The following SORCS1 variants were observed in gnomAD, a reference collection of about 807,000 sequenced individuals.
SORCS1 encodes sortilin related VPS10 domain containing receptor 1.
Under a neutral mutation model 146.1 loss-of-function variants are expected in SORCS1, and 60 were observed. That is an observed-to-expected ratio of 0.41 (90% CI 0.33 to 0.51). SORCS1 has a LOEUF of 0.51. Among genes scored for constraint, SORCS1 ranks in the 20% least tolerant of loss-of-function variants. The pLI, the probability that SORCS1 is intolerant of heterozygous loss-of-function variation, is 0.21. For synonymous variants in SORCS1, 637 were observed against 584.0 expected (o/e 1.09, Z -1.31); for missense variants, 1,352 against 1,487.6 (o/e 0.91, Z 1.50).
chr10:106,874,467 C>T (rs1418859182), intron 2 of SORCS1, among the ~76,000 whole-genome samples: 2 of 152,148 alleles, frequency 1.3e-5, no homozygotes, highest in African/African-American at 2.4e-5. Flanking sequence ...GGATACAATA[C>T]TCAATAAAAC....
intron 2 of SORCS1, among the ~76,000 whole-genome samples, chr10:106,920,941 A>AG (rs1952681283): frequency 6.6e-6 from 1 of 152,104 alleles, no homozygotes; most frequent in South Asian, 2.1e-4. Flanking sequence ...CTGTTGAACG[A>AG]GACCTGAGAG....
chr10:106,627,227 G>A (rs1041861139), intron 19 of SORCS1, among the ~76,000 whole-genome samples: 2 of 152,138 alleles, frequency 1.3e-5, no homozygotes, highest in African/African-American at 2.4e-5. Context: ...TGACAAGGAG[G>A]TGAAGCTATG....
intron 1 of SORCS1, among the ~76,000 whole-genome samples, chr10:107,028,581 T>C (rs1958508250): frequency 6.6e-6 from 1 of 152,230 alleles, no homozygotes; most frequent in South Asian, 2.1e-4. Context: ...TTTTAATCAA[T>C]CGGTTCTCTT....
chr10:106,675,986 G>A (rs1017755683), intron 13 of SORCS1, among the ~76,000 whole-genome samples: 14 of 152,118 alleles, frequency 9.2e-5, no homozygotes, highest in Non-Finnish European at 2.1e-4. Flanking sequence ...AGAACTACAA[G>A]AAATTAATTT....
intron 6 of SORCS1, among the ~76,000 whole-genome samples, chr10:106,725,773 A>C (rs1013888684): frequency 1.3e-5 from 2 of 151,022 alleles, no homozygotes; most frequent in Non-Finnish European, 3.0e-5. Context: ...TCTACCAAAA[A>C]TACAAAAATT....
intron 19 of SORCS1, among the ~76,000 whole-genome samples, chr10:106,621,913 A>G (rs2133506132): frequency 6.6e-6 from 1 of 152,242 alleles, no homozygotes; most frequent in Middle Eastern, 3.4e-3. Flanking sequence ...ACCCGAATCC[A>G]TCCTCCAAAT....
intron 4 of SORCS1, among the ~76,000 whole-genome samples, chr10:106,768,614 C>T (rs1859755331): frequency 6.6e-6 from 1 of 152,224 alleles, no homozygotes; most frequent in Non-Finnish European, 1.5e-5. Flanking sequence ...ACATATCTGT[C>T]GGTCCTGTTC....
chr10:107,159,620 G>C (rs550385458), intron 1 of SORCS1, among the ~76,000 whole-genome samples: 201 of 152,154 alleles, frequency 1.3e-3, no homozygotes, highest in African/African-American at 4.6e-3. Flanking sequence ...GGGAGACTCA[G>C]GCTCAAAGAA....
intron 3 of SORCS1, among the ~76,000 whole-genome samples, chr10:106,801,619 T>A (rs893281423): frequency 2.8e-5 from 4 of 144,250 alleles, no homozygotes; most frequent in Admixed American, 1.5e-4. Flanking sequence ...AAGCTCCGCC[T>A]CCCAGGTTCA....
intron 24 of SORCS1, among the ~76,000 whole-genome samples, chr10:106,587,747 C>G (rs531134419): frequency 2.2e-4 from 34 of 152,150 alleles, no homozygotes; most frequent in Non-Finnish European, 4.4e-4. Context: ...CCACACATAC[C>G]CTTGACAAAG....
chr10:106,841,617 T>C (rs528918810), intron 2 of SORCS1, among the ~76,000 whole-genome samples: 95 of 152,312 alleles, frequency 6.2e-4, no homozygotes, highest in African/African-American at 2.2e-3. Context: ...TGATATTTGG[T>C]TTATTGCAGT....
chr10:106,611,838 C>T, intron 22 of SORCS1, 73 bp downstream of exon 22: 2 of 1,150,906 alleles, frequency 1.7e-6, no homozygotes, highest in Non-Finnish European at 2.6e-6. Context: ...GTACAAAGCT[C>T]CCCTTTCTGT....
At chr10:106,596,436 A>G (rs1456884483) in intron 24 of SORCS1, among the ~76,000 whole-genome samples, 1 of 152,240 alleles carries the variant, frequency 6.6e-6, no homozygotes, top group African/African-American at 2.4e-5. Flanking sequence ...TGCTTGTATT[A>G]TCATTGAAAA....
At position 107,145,967 on chromosome 10, in the gene SORCS1, T is replaced by C. The variant is rs527371225; in HGVS notation, c.558+18002A>G. Among the ~76,000 whole-genome samples the C allele has an allele frequency of 3.9e-5, 6 of 152,334 alleles. No homozygotes were observed. In the East Asian group the frequency reaches 1.2e-3, roughly 29 times the overall value. On this transcript the variant is annotated intron_variant, in intron 1 of 25. Transcript: ENST00000263054. ...TTTACACAATTTCATCATTTTGTCATGTACACATAAATTTTTTGTTTAATC... is the reference window on the plus strand; with the variant it reads ...TTTACACAATTTCATCATTTTGTCACGTACACATAAATTTTTTGTTTAATC...
chr10:106,645,461 G>A (rs553024850), intron 18 of SORCS1, among the ~76,000 whole-genome samples: 71 of 152,242 alleles, frequency 4.7e-4, no homozygotes, highest in Middle Eastern at 3.4e-3. Flanking sequence ...CCAAAGTGCT[G>A]GGATTACAGG....
chr10:106,799,648 C>T (rs1466873928), intron 3 of SORCS1, among the ~76,000 whole-genome samples: 1 of 152,162 alleles, frequency 6.6e-6, no homozygotes, highest in Non-Finnish European at 1.5e-5. Context: ...CATCACTGGC[C>T]ATCAGAGAAA....
intron 10 of SORCS1, among the ~76,000 whole-genome samples, chr10:106,686,805 C>G (rs1226630541): frequency 2.0e-5 from 3 of 152,164 alleles, no homozygotes; most frequent in African/African-American, 7.2e-5. Context: ...ATCTTCTCAA[C>G]TAGAAGGGTG....
intron 2 of SORCS1, among the ~76,000 whole-genome samples, chr10:106,850,170 C>T (rs1410134399): frequency 5.9e-5 from 9 of 151,814 alleles, no homozygotes; most frequent in East Asian, 2.0e-4. Flanking sequence ...CAATGGCGGG[C>T]GCCCCTCCCC....
chr10:107,114,741 G>A (rs1187735683), intron 1 of SORCS1, among the ~76,000 whole-genome samples: 1 of 152,028 alleles, frequency 6.6e-6, no homozygotes, highest in Non-Finnish European at 1.5e-5. Flanking sequence ...CATAGTAATG[G>A]AAGTCCTAGC....
Sources: gnomAD v4.1 joint callset for allele counts (sites outside exome capture counted in the v4.1 genomes callset) on GRCh38, gnomAD v4.1.1 for gene constraint, MANE v1.5 for transcripts, NCBI Gene and HGNC (gene_info 2026-07-23, HGNC 2026-07-21) for gene names.